The following SLC2A9 variants were observed in gnomAD, a reference collection of about 807,000 sequenced individuals.
SLC2A9 encodes the protein solute carrier family 2 member 9, also known as solute carrier family 2, facilitated glucose transporter member 9.
Under a neutral mutation model 50.6 loss-of-function variants are expected in SLC2A9, and 39 were observed. The observed-to-expected ratio is 0.77, with a 90% CI of 0.60 to 1.01. The LOEUF is 1.01. SLC2A9 is among the 50% of genes least tolerant of loss of function. The pLI, the probability that SLC2A9 is intolerant of heterozygous loss-of-function variation, is 0.00. For synonymous variants in SLC2A9, 324 were observed against 276.9 expected (o/e 1.17, Z -1.69); for missense variants, 686 against 677.6 (o/e 1.01, Z -0.14).
At chr4:9,891,046 G>C (rs1222863236) in intron 8 of SLC2A9, among the ~76,000 whole-genome samples, 1 of 152,210 alleles carries the variant, frequency 6.6e-6, no homozygotes, top group Non-Finnish European at 1.5e-5. Flanking sequence ...TCCTCCTTCA[G>C]AGGCAACCTG....
At chr4:9,907,991 T>C (rs1314563192) in intron 8 of SLC2A9, among the ~76,000 whole-genome samples, 2 of 152,180 alleles carry the variant, frequency 1.3e-5, no homozygotes, top group African/African-American at 2.4e-5. Flanking sequence ...TGGGTGAGAA[T>C]TGTCGCTCTT....
intron 6 of SLC2A9, among the ~76,000 whole-genome samples, chr4:9,940,269 A>G (rs1747880027): frequency 6.6e-6 from 1 of 152,092 alleles, no homozygotes; most frequent in Admixed American, 6.5e-5. Context: ...CCATCTGACA[A>G]CCATCTGAAC....
chr4:9,882,583 C>T (rs982113774), intron 10 of SLC2A9, among the ~76,000 whole-genome samples: 1 of 152,038 alleles, frequency 6.6e-6, no homozygotes, highest in Admixed American at 6.6e-5. Context: ...ATGGTGGACG[C>T]CTGCAGTCCC....
chr4:9,950,383 C>T (rs919648151), intron 5 of SLC2A9, among the ~76,000 whole-genome samples: 37 of 152,162 alleles, frequency 2.4e-4, no homozygotes, highest in Non-Finnish European at 4.6e-4. Context: ...CATAGAGCCC[C>T]CCCATGGGTC....
chr4:9,782,020 C>G (rs748676694), intron 3 of SLC2A9: 10 of 1,455,106 alleles, frequency 6.9e-6, no homozygotes, highest in African/African-American at 1.4e-5. Flanking sequence ...CCCCTGCAGT[C>G]CAGCCCGAAA....
At chr4:10,023,912 C>A (rs924990788), upstream of SLC2A9, among the ~76,000 whole-genome samples, 4 of 152,202 alleles carry the variant, frequency 2.6e-5, no homozygotes, top group African/African-American at 9.7e-5. Flanking sequence ...GCTAAGGAAG[C>A]GACTCCTATC....
chr4:9,781,457 G>A (rs1332554464), intron 3 of SLC2A9, among the ~76,000 whole-genome samples: 1 of 152,192 alleles, frequency 6.6e-6, no homozygotes, highest in East Asian at 1.9e-4. Context: ...TCCCCGGCCC[G>A]GGGACTAGGG....
chr4:9,788,261 G>C (rs1719474821), intron 3 of SLC2A9, among the ~76,000 whole-genome samples: 1 of 152,004 alleles, frequency 6.6e-6, no homozygotes, highest in Non-Finnish European at 1.5e-5. Flanking sequence ...CATGATCACA[G>C]ATCATTGCAA....
chr4:9,802,127 C>T (rs1434852077), intron 3 of SLC2A9, among the ~76,000 whole-genome samples: 1 of 152,172 alleles, frequency 6.6e-6, no homozygotes, highest in Non-Finnish European at 1.5e-5. Flanking sequence ...CAAGTGCTTA[C>T]TAGCCAGGCT....
chr4:9,936,279 T>C (rs960747735), intron 6 of SLC2A9, among the ~76,000 whole-genome samples: 22 of 152,310 alleles, frequency 1.4e-4, no homozygotes, highest in Admixed American at 7.8e-4. Flanking sequence ...TGATCTGATA[T>C]GATCATTTCT....
At chr4:10,030,677 C>G (rs1763915074) in intron 1 of SLC2A9, among the ~76,000 whole-genome samples, 1 of 152,146 alleles carries the variant, frequency 6.6e-6, no homozygotes, top group South Asian at 2.1e-4. Context: ...CGTGCTCATC[C>G]ACAACCAACC....
At chr4:9,998,691 G>A (rs1207558726) in intron 2 of SLC2A9, among the ~76,000 whole-genome samples, 5 of 152,164 alleles carry the variant, frequency 3.3e-5, no homozygotes, top group Admixed American at 6.5e-5. Flanking sequence ...TAGGATATAT[G>A]TACTCAGATG....
intron 3 of SLC2A9, among the ~76,000 whole-genome samples, chr4:9,987,767 G>A (rs1031353149): frequency 6.6e-6 from 1 of 152,084 alleles, no homozygotes; most frequent in African/African-American, 2.4e-5. Context: ...GGCAGAGATT[G>A]CAGTGAGCCA....
At chr4:9,795,183 T>C (rs1178361252), downstream of SLC2A9, among the ~76,000 whole-genome samples, 1 of 151,894 alleles carries the variant, frequency 6.6e-6, no homozygotes. Flanking sequence ...GCTAGCATTT[T>C]TGTATTTTTA....
intron 10 of SLC2A9, among the ~76,000 whole-genome samples, chr4:9,857,446 G>A (rs1214584006): frequency 6.6e-6 from 1 of 152,178 alleles, no homozygotes; most frequent in Non-Finnish European, 1.5e-5. Flanking sequence ...GGAATGCTGG[G>A]GCAGATGTGG....
chr4:9,788,711 C>T (rs780399304), intron 3 of SLC2A9, among the ~76,000 whole-genome samples: 1 of 152,194 alleles, frequency 6.6e-6, no homozygotes, highest in Non-Finnish European at 1.5e-5. Context: ...GGTATCCATA[C>T]TTATCATGAT....
chr4:9,805,421 C>A (rs920472076), intron 3 of SLC2A9, among the ~76,000 whole-genome samples: 4 of 152,168 alleles, frequency 2.6e-5, no homozygotes, highest in Non-Finnish European at 5.9e-5. Context: ...GGAAGTGTAA[C>A]CCTGAGGTGG....
At chr4:9,929,176 C>G (rs1169515297) in intron 6 of SLC2A9, among the ~76,000 whole-genome samples, 1 of 152,262 alleles carries the variant, frequency 6.6e-6, no homozygotes, top group Non-Finnish European at 1.5e-5. Context: ...TCTCGTATAA[C>G]TATCCCCTGA....
At chr4:9,847,921 T>A (rs1729240422) in intron 10 of SLC2A9, among the ~76,000 whole-genome samples, 1 of 152,118 alleles carries the variant, frequency 6.6e-6, no homozygotes, top group Non-Finnish European at 1.5e-5. Flanking sequence ...AGCAAAGGAA[T>A]TTTCCTCCTG....
Sources: allele counts gnomAD v4.1 joint callset (sites outside exome capture counted in the v4.1 genomes callset), GRCh38; gene constraint gnomAD v4.1.1; transcripts MANE v1.5; gene names NCBI Gene and HGNC (gene_info 2026-07-23, HGNC 2026-07-21).